The following ARIH1 variants were observed in gnomAD, a reference collection of about 807,000 sequenced individuals.
ARIH1 encodes the protein ariadne RBR E3 ubiquitin protein ligase 1.
In ARIH1, 8 loss-of-function variants were observed where a neutral mutation model predicts 85.0. That is an observed-to-expected ratio of 0.09 (90% CI 0.06 to 0.17). The LOEUF is 0.17. Among genes scored for constraint, ARIH1 ranks in the 10% least tolerant of loss-of-function variants. ARIH1 has a pLI of 1.00. For synonymous variants in ARIH1, 238 were observed against 253.6 expected, an observed-to-expected ratio of 0.94 and a Z score of 0.59; for missense variants, 311 against 718.1, an observed-to-expected ratio of 0.43 and a Z score of 6.48.
chr15:72,571,086 C>T (rs926316188), intron 10 of ARIH1, among the ~76,000 whole-genome samples: 2 of 141,560 alleles, frequency 1.4e-5, no homozygotes, highest in African/African-American at 2.6e-5. Context: ...CCAAGATCGC[C>T]CCATTGCACT....
rs771838105 is a variant in ARIH1 at position 72,561,549 on chromosome 15, G to A, written c.804G>A (p.Glu268=). 2.0e-6 allele frequency: 3 copies of A among 1,537,196 alleles called. No homozygotes were observed. The highest frequency in any genetic ancestry group is 2.7e-6 in the Non-Finnish European group (3 of 1,124,728). ...YQHLITNSFV[E]CNRLLKWCPA... ...ATTTAATAACAAATAGCTTTGTAGA[G>A]GTAAGTGATTTGTTTTCCTTCTTGT... Residue 268 remains glutamate (E), a splice_region_variant and synonymous_variant, in exon 6 of 14, where the codon GAG becomes GAA. Transcript: ENST00000379887.
intron 1 of ARIH1, among the ~76,000 whole-genome samples, chr15:72,505,102 A>G (rs2063919260): frequency 6.6e-6 from 1 of 152,224 alleles, no homozygotes; most frequent in South Asian, 2.1e-4. Context: ...AGTGCTCCTC[A>G]AACTTTAACA....
chr15:72,500,896 TATTAA>T (rs1240069038), intron 1 of ARIH1, among the ~76,000 whole-genome samples: 1 of 152,230 alleles, frequency 6.6e-6, no homozygotes, highest in Non-Finnish European at 1.5e-5. Flanking sequence ...TATGTATGTA[TATTAA>T]ATAAAATAAC....
intron 5 of ARIH1, among the ~76,000 whole-genome samples, chr15:72,557,132 T>A (rs1344263443): frequency 6.6e-6 from 1 of 152,172 alleles, no homozygotes; most frequent in African/African-American, 2.4e-5. Flanking sequence ...AATTTTTTTT[T>A]ACTTTTTAAT....
At chr15:72,479,278 C>A (rs1335026490) in intron 1 of ARIH1, among the ~76,000 whole-genome samples, 1 of 152,164 alleles carries the variant, frequency 6.6e-6, no homozygotes, top group African/African-American at 2.4e-5. Flanking sequence ...AAGGAATACT[C>A]AACCTGTACC....
In ARIH1 at chr15:72,589,821, ATTTTTAT is replaced by A. The variant is rs944627860; in HGVS notation, c.*6542_*6548del. 3 of 151,838 alleles carry A rather than the reference ATTTTTAT, an allele frequency of 2.0e-5. No homozygotes were observed. The highest frequency in any genetic ancestry group is 4.8e-5 in the African/African-American group (2 of 41,330). 9.4% of individuals were successfully genotyped at this position (151,838 alleles called of 1,614,324 possible). A position where few individuals can be genotyped will look rare whatever the true frequency, so the allele number is the denominator to read the frequency against. On this transcript the variant is annotated 3_prime_UTR_variant, in exon 14 of 14. Coordinates refer to ENST00000379887, the MANE Select transcript of ARIH1 (RefSeq NM_005744.5). ...CAAATGCTTTGTTTCCATCTCGTTT[ATTTTTAT>A]TTTTTATTTTTTTAAGAGACAGTCT...
At position 72,577,680 on chromosome 15, in the gene ARIH1, AAAAC is replaced by A. The variant is rs529934120; in HGVS notation, c.1216-3039_1216-3036del. Among the ~76,000 whole-genome samples, 897 of 152,220 alleles carry A rather than the reference AAAAC, an allele frequency of 5.9e-3. 4 individuals carry two copies. The highest frequency in any genetic ancestry group is 8.7e-3 in the Non-Finnish European group (591 of 68,010). On this transcript the variant is annotated intron_variant, in intron 11 of 13. Transcript: ENST00000379887. ...AGAGTGAGACTCCATCTCAAAACAA[AAAAC>A]AAACAAACAAAAAAACGGATCATCA...
chr15:72,497,295 ACT>A (rs1468357390), intron 1 of ARIH1, among the ~76,000 whole-genome samples: 4 of 151,758 alleles, frequency 2.6e-5, no homozygotes, highest in Non-Finnish European at 4.4e-5. Flanking sequence ...TATATTCCTG[ACT>A]CTGGAATATT....
intron 2 of ARIH1, among the ~76,000 whole-genome samples, chr15:72,521,201 C>A (rs1419991698): frequency 8.7e-4 from 1 of 1,150 alleles, no homozygotes; most frequent in Admixed American, 7.6e-3. Context: ...TATTTAATGC[C>A]CCCCCCCCCC....
chr15:72,521,525 G>T (rs2063999823), intron 2 of ARIH1, among the ~76,000 whole-genome samples: 1 of 151,834 alleles, frequency 6.6e-6, no homozygotes, highest in Non-Finnish European at 1.5e-5. Context: ...TGAAACTTGG[G>T]GATCTCTTTC....
chr15:72,505,927 G>C (rs2063922647), intron 1 of ARIH1, among the ~76,000 whole-genome samples: 1 of 151,992 alleles, frequency 6.6e-6, no homozygotes, highest in African/African-American at 2.4e-5. Flanking sequence ...GTAGAGATGG[G>C]GTTTCACCAT....
rs536171040 is a variant in ARIH1 at position 72,600,931 on chromosome 15, C to A, written c.*17639C>A. The A allele has an allele frequency of 6.6e-6, 1 of 152,194 alleles. No homozygotes were observed. Among genetic ancestry groups the A allele is most frequent in the Non-Finnish European group, 1.5e-5 (1 of 68,034 alleles). The allele number at this position is 152,194 out of a possible 1,614,324, so 9.4% of individuals were successfully genotyped here. On this transcript the variant is annotated 3_prime_UTR_variant, in exon 14 of 14. Transcript: ENST00000379887. ...CAGGACCCCTTTCAGGGAGATTTCACATATTGGGAAACAGCCTCATGAGCT... is the reference window on the plus strand; with the variant it reads ...CAGGACCCCTTTCAGGGAGATTTCAAATATTGGGAAACAGCCTCATGAGCT...
At chr15:72,507,245 G>A (rs1258654308) in intron 1 of ARIH1, among the ~76,000 whole-genome samples, 11 of 152,034 alleles carry the variant, frequency 7.2e-5, no homozygotes, top group Non-Finnish European at 1.3e-4. Context: ...GGCTGGTCTC[G>A]AACTCTGACC....
At chr15:72,554,749 C>CTTTGT (rs557708835) in intron 3 of ARIH1, among the ~76,000 whole-genome samples, 104 of 151,680 alleles carry the variant, frequency 6.9e-4, no homozygotes, top group South Asian at 4.6e-3. Context: ...TGTGGTGTTG[C>CTTTGT]TTTGTTTTGT....
At chr15:72,573,511 A>G in intron 11 of ARIH1, among the ~76,000 whole-genome samples, 1 of 152,196 alleles carries the variant, frequency 6.6e-6, no homozygotes, top group East Asian at 1.9e-4. Flanking sequence ...CAGTGAGCCA[A>G]GATTTCACCA....
At chr15:72,475,279 T>TG in intron 1 of ARIH1, 1 of 597,484 alleles carries the variant, frequency 1.7e-6, no homozygotes, top group Non-Finnish European at 2.5e-6. Context: ...AGCCTTCTCT[T>TG]GCGGGCAATT....
At chr15:72,547,790 C>G (rs1264709234) in intron 3 of ARIH1, among the ~76,000 whole-genome samples, 1 of 152,118 alleles carries the variant, frequency 6.6e-6, no homozygotes, top group Non-Finnish European at 1.5e-5. Flanking sequence ...ACAAGGTTTC[C>G]TTACTTCTTG....
intron 2 of ARIH1, among the ~76,000 whole-genome samples, chr15:72,521,949 T>C (rs2064002133): frequency 6.6e-6 from 1 of 152,222 alleles, no homozygotes; most frequent in Admixed American, 6.5e-5. Flanking sequence ...TTTTTGACTT[T>C]GTTCTGTGAA....
chr15:72,532,129 G>C (rs984391761), intron 2 of ARIH1, among the ~76,000 whole-genome samples: 3 of 147,248 alleles, frequency 2.0e-5, no homozygotes, highest in Non-Finnish European at 4.5e-5. Flanking sequence ...TAATAAAATA[G>C]AAAACATGCA....
Sources: allele counts gnomAD v4.1 joint callset (sites outside exome capture counted in the v4.1 genomes callset), GRCh38; gene constraint gnomAD v4.1.1; transcripts MANE v1.5; gene names NCBI Gene and HGNC (gene_info 2026-07-23, HGNC 2026-07-21).